Variants in SEMA3A observed in about 807,000 individuals in gnomAD.
SEMA3A encodes the protein semaphorin-3A.
Under a neutral mutation model 97.9 loss-of-function variants are expected in SEMA3A, and 29 were observed. That is an observed-to-expected ratio of 0.30 (90% confidence interval 0.22 to 0.40). The LOEUF (loss-of-function observed/expected upper bound fraction) is 0.40. SEMA3A is among the 10% of genes least tolerant of loss of function. SEMA3A has a pLI of 1.00. For synonymous variants in SEMA3A, 321 were observed against 323.7 expected (o/e 0.99, Z 0.09); for missense variants, 763 against 951.3 (o/e 0.80, Z 2.60).
At chr7:84,301,593 T>C (rs1801017713) in intron 3 of SEMA3A, among the ~76,000 whole-genome samples, 1 of 151,978 alleles carries the variant, frequency 6.6e-6, no homozygotes, top group Admixed American at 6.6e-5. Context: ...GGATGTAGAG[T>C]AGGGGTCAGC....
At chr7:84,458,450 A>C (rs1428333354) in intron 1 of SEMA3A, among the ~76,000 whole-genome samples, 8 of 103,748 alleles carry the variant, frequency 7.7e-5, no homozygotes, top group Non-Finnish European at 1.9e-4. Context: ...TTTAAATCAT[A>C]AAAAAATAAT....
At chr7:84,189,653 G>T (rs10260818) in intron 1 of SEMA3A, among the ~76,000 whole-genome samples, 1,766 of 151,640 alleles carry the variant, frequency 0.012, 30 homozygotes, top group African/African-American at 0.041. Flanking sequence ...AAAATTTAAT[G>T]CCCTATACAA....
At chr7:84,340,268 A>T (rs1417523343) in intron 2 of SEMA3A, among the ~76,000 whole-genome samples, 1 of 152,154 alleles carries the variant, frequency 6.6e-6, no homozygotes, top group East Asian at 1.9e-4. Flanking sequence ...GAATAGATTA[A>T]TAATTCAAAG....
intron 2 of SEMA3A, among the ~76,000 whole-genome samples, chr7:84,338,338 A>G (rs1031214997): frequency 9.2e-5 from 14 of 152,186 alleles, no homozygotes; most frequent in African/African-American, 3.4e-4. Context: ...CATTTTAACT[A>G]TAACCAAAGT....
At chr7:84,254,860 T>C (rs1418988169) in intron 3 of SEMA3A, among the ~76,000 whole-genome samples, 1 of 152,152 alleles carries the variant, frequency 6.6e-6, no homozygotes, top group Non-Finnish European at 1.5e-5. Flanking sequence ...TTTGATGGCC[T>C]ACACATATGA....
intron 3 of SEMA3A, among the ~76,000 whole-genome samples, chr7:84,244,159 C>A (rs1355787221): frequency 2.0e-5 from 3 of 152,160 alleles, no homozygotes; most frequent in African/African-American, 4.8e-5. Context: ...TGTTAATTTT[C>A]TGTCTCATTG....
At chr7:84,355,254 T>C (rs2116039747) in intron 2 of SEMA3A, among the ~76,000 whole-genome samples, 1 of 151,998 alleles carries the variant, frequency 6.6e-6, no homozygotes, top group South Asian at 2.1e-4. Flanking sequence ...ATTCATTCAA[T>C]AAACTAGAGA....
rs1803088509 is a variant in SEMA3A, at chr7:84,376,058, A to G, written c.-245-4158T>C. Among the ~76,000 whole-genome samples the G allele has an allele frequency of 2.6e-5, 4 of 152,232 alleles. No homozygotes were observed. The South Asian group carries it at 8.3e-4, about 32-fold the overall frequency. ...TTATGGCTGAATAACATTCCACTGG[A>G]TATATATTAATAGACCAGTTTTTTA... On this transcript the variant is annotated intron_variant, in intron 1 of 3. Coordinates refer to the SEMA3A transcript ENST00000424555.
intron 1 of SEMA3A, among the ~76,000 whole-genome samples, chr7:84,182,484 A>G (rs1432404704): frequency 6.6e-6 from 1 of 152,126 alleles, no homozygotes; most frequent in Non-Finnish European, 1.5e-5. Flanking sequence ...ATAAATTGGA[A>G]CTTACAGTCT....
chr7:84,281,240 T>C (rs1033434977), intron 3 of SEMA3A, among the ~76,000 whole-genome samples: 1 of 152,166 alleles, frequency 6.6e-6, no homozygotes, highest in African/African-American at 2.4e-5. Context: ...CCTCAGTTAC[T>C]ATCATAATGA....
intron 12 of SEMA3A, among the ~76,000 whole-genome samples, chr7:83,990,593 T>G (rs902223278): frequency 6.9e-5 from 10 of 145,708 alleles, no homozygotes; most frequent in Non-Finnish European, 1.4e-4. Flanking sequence ...CCCCATTGCT[T>G]GTTTTTCTCA....
intron 14 of SEMA3A, among the ~76,000 whole-genome samples, chr7:83,980,623 A>AAAATATATATATAT (rs1310318006): frequency 5.6e-5 from 4 of 71,758 alleles, no homozygotes; most frequent in African/African-American, 3.3e-4. Flanking sequence ...AAAAAAAAAA[A>AAAATATATATATAT]ATATATATAT....
intron 6 of SEMA3A, among the ~76,000 whole-genome samples, chr7:84,037,684 C>A (rs1193971835): frequency 1.3e-5 from 2 of 151,760 alleles, no homozygotes; most frequent in African/African-American, 4.8e-5. Flanking sequence ...CAAAACTGCA[C>A]CCATATTAAT....
chr7:84,443,103 A>G (rs1234967341), intron 1 of SEMA3A, among the ~76,000 whole-genome samples: 1 of 152,132 alleles, frequency 6.6e-6, no homozygotes, highest in Non-Finnish European at 1.5e-5. Flanking sequence ...AAACAACACA[A>G]CAAATGAATT....
intron 1 of SEMA3A, among the ~76,000 whole-genome samples, chr7:84,429,398 A>T (rs181335284): frequency 1.4e-3 from 212 of 150,840 alleles, no homozygotes; most frequent in Admixed American, 3.3e-3. Context: ...TGATAGTTTC[A>T]ACTATTTTAG....
At chr7:84,063,110 C>T (rs879176159) in intron 4 of SEMA3A, among the ~76,000 whole-genome samples, 11 of 152,072 alleles carry the variant, frequency 7.2e-5, no homozygotes, top group South Asian at 6.3e-4. Flanking sequence ...GGTCCCTGAC[C>T]CCTGACCCCT....
chr7:84,461,986 C>T (rs1805857341), intron 1 of SEMA3A, among the ~76,000 whole-genome samples: 1 of 152,010 alleles, frequency 6.6e-6, no homozygotes, highest in African/African-American at 2.4e-5. Context: ...ATGTGATATT[C>T]AGTCTTTTGA....
intron 1 of SEMA3A, among the ~76,000 whole-genome samples, chr7:84,185,692 GAA>G (rs71078810): frequency 0.12 from 9,017 of 78,020 alleles, 373 homozygotes; most frequent in Middle Eastern, 0.25. Flanking sequence ...ACTCTGGCAG[GAA>G]AAAAAAAAAA....
rs765602285 is a variant in SEMA3A, at chr7:84,194,613, T to A, written c.-27A>T. 3.6e-6 allele frequency: 5 copies of A among 1,375,904 alleles called. No homozygotes were observed. In the African/African-American group the frequency reaches 7.1e-5, roughly 20 times the overall value. The allele number at this position is 1,375,904 out of a possible 1,614,324, so 85.2% of individuals were successfully genotyped here. On this transcript the variant is annotated 5_prime_UTR_variant, in exon 1 of 17. Coordinates refer to ENST00000265362, the MANE Select transcript of SEMA3A (RefSeq NM_006080.3). ...CTGCAGACGCTGTAGGTCCCTTTGCTGCTTTAGTCTTCCTTCCTGTATTGT... is the reference window on the plus strand; with the variant it reads ...CTGCAGACGCTGTAGGTCCCTTTGCAGCTTTAGTCTTCCTTCCTGTATTGT...
Sources: allele counts gnomAD v4.1 joint callset (sites outside exome capture counted in the v4.1 genomes callset), GRCh38; gene constraint gnomAD v4.1.1; transcripts MANE v1.5; gene names NCBI Gene and HGNC (gene_info 2026-07-23, HGNC 2026-07-21).